The following LAMA2 variants were observed in gnomAD, a reference collection of about 807,000 sequenced individuals.
The protein encoded by LAMA2 is laminin subunit alpha-2.
In LAMA2, 269 loss-of-function variants were observed where a neutral mutation model predicts 364.8. The ratio of observed to expected loss-of-function variants is 0.74; its 90% confidence interval spans 0.67 to 0.82. The LOEUF (loss-of-function observed/expected upper bound fraction) is 0.82, where lower values mean the gene tolerates loss of function less well. Among genes scored for constraint, LAMA2 ranks in the 40% least tolerant of loss-of-function variants. The pLI is 0.00. For missense variants in LAMA2, 3,807 were observed against 3,873.2 expected (o/e 0.98, Z 0.45); for synonymous variants, 1,379 against 1,370.6 (o/e 1.01, Z -0.14).
Position 129,503,130 on chromosome 6 carries a change from C to T in LAMA2, c.8397C>T (p.Ser2799=), listed in dbSNP as rs750547682. The T allele has an allele frequency of 1.4e-5, 23 of 1,614,050 alleles. No individual in the cohort carries two copies. Among genetic ancestry groups the T allele is most frequent in the South Asian group, 5.5e-5 (5 of 91,088 alleles). The change falls in exon 60 of 65, where the codon TCC becomes TCT. Residue 2799 remains serine, a synonymous_variant. Transcript: ENST00000421865. ...TGGAAGTAAGAACCGAAGCTGAATCCGGCTTGCTTTTTTACATGGCTCGCA... is the reference window on the plus strand; with the variant it reads ...TGGAAGTAAGAACCGAAGCTGAATCTGGCTTGCTTTTTTACATGGCTCGCA... ...IELEVRTEAE[S]GLLFYMARIN... is the part of the protein sequence containing the mutation.
chr6:129,478,657 G>T (rs1784201870), intron 53 of LAMA2, 36 bp from the exon 54 acceptor site: 1 of 1,610,158 alleles, frequency 6.2e-7, no homozygotes, highest in Admixed American at 1.7e-5. Context: ...TCACCCTAAT[G>T]ATATTGCTTT....
intron 49 of LAMA2, among the ~76,000 whole-genome samples, chr6:129,461,311 A>G (rs1006061464): frequency 6.6e-6 from 1 of 152,036 alleles, no homozygotes; most frequent in African/African-American, 2.4e-5. Flanking sequence ...CTAGAGTTTC[A>G]TAGAAGAAAG....
intron 1 of LAMA2, among the ~76,000 whole-genome samples, chr6:129,031,577 G>A (rs1349830468): frequency 6.6e-6 from 1 of 152,128 alleles, no homozygotes; most frequent in Non-Finnish European, 1.5e-5. Context: ...AGAGGACAGT[G>A]GTATGGGTTT....
At chr6:129,074,235 T>C (rs1773493284) in intron 3 of LAMA2, among the ~76,000 whole-genome samples, 1 of 152,224 alleles carries the variant, frequency 6.6e-6, no homozygotes, top group African/African-American at 2.4e-5. Context: ...GAGTTCATTT[T>C]TGCATGATGT....
chr6:129,321,778 G>A (rs1287202805), intron 28 of LAMA2, among the ~76,000 whole-genome samples: 2 of 152,154 alleles, frequency 1.3e-5, no homozygotes, highest in African/African-American at 2.4e-5. Flanking sequence ...TTGAGAAGTT[G>A]TATTAAGTAT....
chr6:129,434,059 T>C (rs536903262), intron 41 of LAMA2, among the ~76,000 whole-genome samples: 66 of 152,340 alleles, frequency 4.3e-4, no homozygotes, highest in Non-Finnish European at 7.1e-4. Flanking sequence ...AGAGAAATAC[T>C]GTGTAGCAGT....
intron 28 of LAMA2, among the ~76,000 whole-genome samples, chr6:129,326,695 A>G (rs1253521809): frequency 6.9e-6 from 1 of 145,938 alleles, no homozygotes; most frequent in East Asian, 2.0e-4. Flanking sequence ...AATTTTATAT[A>G]TATATAATTT....
intron 1 of LAMA2, among the ~76,000 whole-genome samples, chr6:128,967,203 T>C (rs1781898410): frequency 6.6e-6 from 1 of 152,166 alleles, no homozygotes; most frequent in Non-Finnish European, 1.5e-5. Context: ...CAGCAGGGTT[T>C]GTTCAACTGC....
chr6:129,079,534 T>G lies in LAMA2; in HGVS notation c.397-18639T>G, dbSNP rs1773898134. Among the ~76,000 whole-genome samples, 3 of 150,972 alleles carry G rather than the reference T, an allele frequency of 2.0e-5. No homozygotes were observed. In the South Asian group the frequency reaches 6.2e-4, roughly 31 times the overall value. On this transcript the variant is annotated intron_variant, in intron 3 of 64. Coordinates refer to ENST00000421865, the MANE Select transcript of LAMA2 (RefSeq NM_000426.4). ...AAGGATTCTAATTTCTCCACACCCT[T>G]GCCAACACTTCTTTTTCTGTTTTTT...
chr6:129,253,370 C>T (rs1181601505), intron 14 of LAMA2, among the ~76,000 whole-genome samples: 2 of 152,178 alleles, frequency 1.3e-5, no homozygotes, highest in Non-Finnish European at 2.9e-5. Context: ...CTCTCACCTC[C>T]CTGTCCCTCA....
intron 27 of LAMA2, among the ~76,000 whole-genome samples, chr6:129,319,065 T>C (rs1211721191): frequency 6.6e-6 from 1 of 152,228 alleles, no homozygotes; most frequent in Non-Finnish European, 1.5e-5. Flanking sequence ...AAAGGTGAGT[T>C]AAGTTACTTG....
At chr6:129,434,902 G>A (rs952611124) in intron 41 of LAMA2, among the ~76,000 whole-genome samples, 4 of 151,894 alleles carry the variant, frequency 2.6e-5, no homozygotes, top group African/African-American at 4.8e-5. Context: ...GGTGATCAGC[G>A]TAAGAAAGGG....
intron 4 of LAMA2, among the ~76,000 whole-genome samples, chr6:129,129,945 A>AG (rs1777370938): frequency 6.6e-6 from 1 of 150,420 alleles, no homozygotes; most frequent in South Asian, 2.1e-4. Context: ...AAAAAAAAAT[A>AG]ACATATTTTA....
intron 1 of LAMA2, among the ~76,000 whole-genome samples, chr6:128,897,597 G>C (rs533189203): frequency 1.3e-5 from 2 of 152,310 alleles, no homozygotes; most frequent in South Asian, 4.1e-4. Flanking sequence ...ATCATTAATT[G>C]GCTCAGGGTA....
chr6:129,469,183 T>A (rs1783689141), intron 51 of LAMA2, among the ~76,000 whole-genome samples: 3 of 151,956 alleles, frequency 2.0e-5, no homozygotes, highest in Admixed American at 6.6e-5. Context: ...TTCATCTTGA[T>A]GAACTTGATT....
intron 37 of LAMA2, among the ~76,000 whole-genome samples, chr6:129,396,989 C>CAAAAA (rs60077388): frequency 7.9e-6 from 1 of 125,964 alleles, no homozygotes. Context: ...GACAGTGTCT[C>CAAAAA]AAAAAAAAAA....
chr6:128,895,045 A>G (rs1323652929), intron 1 of LAMA2, among the ~76,000 whole-genome samples: 1 of 152,232 alleles, frequency 6.6e-6, no homozygotes, highest in Non-Finnish European at 1.5e-5. Flanking sequence ...TACAAAATCT[A>G]TAGCCATATG....
At position 129,050,072 on chromosome 6, in the gene LAMA2, C is replaced by T; in HGVS notation, c.267C>T (p.Asn89=). ...RNPQCRICNQ[N]SSNPNQRHPI... Reference sequence around the variant, plus strand: ...CGCAGTGTCGAATCTGCAATCAAAACAGCAGCAATCCAAACCGTATGTATT... The same window carrying T: ...CGCAGTGTCGAATCTGCAATCAAAATAGCAGCAATCCAAACCGTATGTATT... Residue 89 remains asparagine (N), a synonymous_variant, in exon 2 of 65, where the codon AAC becomes AAT. Coordinates refer to ENST00000421865, the MANE Select transcript of LAMA2 (RefSeq NM_000426.4). The T allele has an allele frequency of 6.2e-7, 1 of 1,614,198 alleles. No individual in the cohort carries two copies. The highest frequency in any genetic ancestry group is 8.5e-7 in the Non-Finnish European group (1 of 1,180,032).
chr6:129,472,579 A>C (rs1783866026), intron 51 of LAMA2, among the ~76,000 whole-genome samples: 1 of 151,964 alleles, frequency 6.6e-6, no homozygotes, highest in Admixed American at 6.6e-5. Context: ...CATCACATTA[A>C]AAATACCTTG....
Sources: gnomAD v4.1 joint callset for allele counts (sites outside exome capture counted in the v4.1 genomes callset) on GRCh38, gnomAD v4.1.1 for gene constraint, MANE v1.5 for transcripts, NCBI Gene and HGNC (gene_info 2026-07-23, HGNC 2026-07-21) for gene names.